Variants in FAM227A observed in about 807,000 individuals in gnomAD.
The protein encoded by FAM227A is family with sequence similarity 227 member A, also known as protein FAM227A.
In FAM227A, 80 loss-of-function variants were observed where a neutral mutation model predicts 74.7. The observed-to-expected ratio is 1.07, with a 90% confidence interval of 0.89 to 1.29. FAM227A has a LOEUF of 1.29. FAM227A is among the 50% of genes most tolerant of loss of function. FAM227A has a pLI of 0.00. For synonymous variants in FAM227A, 237 were observed against 241.8 expected (o/e 0.98, Z 0.19); for missense variants, 654 against 683.4 (o/e 0.96, Z 0.48).
chr22:38,620,436 A>G, intron 10 of FAM227A, 145 bp from the exon 11 acceptor site: 3 of 646,060 alleles, frequency 4.6e-6, no homozygotes, highest in Non-Finnish European at 8.2e-6. Flanking sequence ...CTGCTGGGCA[A>G]GTTACCTAAC....
rs1160482470 is a variant in FAM227A at position 38,636,547 on chromosome 22, G to C, written c.423C>G (p.Phe141Leu). ...GAAGCTTGTTTGGCTTGGAGCTGTT[G>C]AAGTTGGAATACTGGTACAGCTCTG... Reference protein sequence around the residue: ...LLAELYQYSNFNSSKPNKLPN... With the variant: ...LLAELYQYSNLNSSKPNKLPN... Residue 141 changes from phenylalanine to leucine, a missense_variant, in exon 6 of 17, where the codon TTC becomes TTG. Coordinates refer to ENST00000535113, the MANE Select transcript of FAM227A (RefSeq NM_001013647.2). 6.4e-7 allele frequency: 1 copy of C among 1,551,560 alleles called. No individual in the cohort carries two copies. Among genetic ancestry groups the C allele is most frequent in the African/African-American group, 1.4e-5 (1 of 73,038 alleles).
At position 38,580,250 on chromosome 22, in the gene FAM227A, CT is replaced by C. The variant is rs2090695583; in HGVS notation, c.*5874del. 1 of 152,076 alleles carries C rather than the reference CT, an allele frequency of 6.6e-6. No homozygotes were observed. The highest frequency in any genetic ancestry group is 1.5e-5 in the Non-Finnish European group (1 of 68,020). The allele number at this position is 152,076 out of a possible 1,614,324, so 9.4% of individuals were successfully genotyped here. A position where few individuals can be genotyped will look rare whatever the true frequency, so the allele number is the denominator to read the frequency against. On this transcript the variant is annotated 3_prime_UTR_variant, in exon 17 of 17. Coordinates refer to ENST00000535113, the MANE Select transcript of FAM227A (RefSeq NM_001013647.2). ...TGTCCTCTTTTAAGTCTCTTTTAAT[CT>C]ATATATTCCCCCTCTCTTTTTCCCT...
Position 38,579,540 on chromosome 22 carries a change from G to A in FAM227A, c.*6585C>T, listed in dbSNP as rs1199590640. On this transcript the variant is annotated 3_prime_UTR_variant, in exon 17 of 17. Transcript: ENST00000535113. ...TAAAATATGCTTAGAAGTGTCCATG[G>A]TAGATGCCTTTAATTTTAAAAATTA... 3.3e-5 allele frequency: 5 copies of A among 152,250 alleles called. No homozygotes were observed. In the East Asian group the frequency reaches 9.6e-4, roughly 29 times the overall value. The allele number at this position is 152,250 out of a possible 1,614,324, so 9.4% of individuals were successfully genotyped here.
intron 11 of FAM227A, among the ~76,000 whole-genome samples, chr22:38,607,785 T>A (rs1306907965): frequency 6.6e-6 from 1 of 152,160 alleles, no homozygotes; most frequent in Non-Finnish European, 1.5e-5. Flanking sequence ...TTGGTTTCCT[T>A]GTAGGATTAA....
rs573456473 is a variant in FAM227A, at chr22:38,645,510, C to T, written c.225+53G>A. The T allele has an allele frequency of 4.3e-5, 54 of 1,242,696 alleles. No homozygotes were observed. In the East Asian group the frequency reaches 4.6e-4, roughly 11 times the overall value. The allele number at this position is 1,242,696 out of a possible 1,614,324, so 77.0% of individuals were successfully genotyped here. The stretch of plus-strand genomic sequence containing the variant: ...GGCACTGCAACACCTTGATGATCCC[C>T]GGGGCCCTTCCCTGTCAGAAGCTTT... On this transcript the variant is annotated intron_variant, in intron 3 of 16. Coordinates refer to ENST00000535113, the MANE Select transcript of FAM227A (RefSeq NM_001013647.2).
At chr22:38,626,986 A>G (rs1318758067) in intron 8 of FAM227A, among the ~76,000 whole-genome samples, 1 of 145,356 alleles carries the variant, frequency 6.9e-6, no homozygotes, top group African/African-American at 2.6e-5. Flanking sequence ...AGTCCTAGCT[A>G]CTCAGGAGGC....
chr22:38,613,116 T>TAATTATATATA (rs1555959758), intron 11 of FAM227A, among the ~76,000 whole-genome samples: 5 of 91,130 alleles, frequency 5.5e-5, no homozygotes, highest in African/African-American at 2.4e-4. Flanking sequence ...TATATATATA[T>TAATTATATATA]TATATATAAT....
intron 13 of FAM227A, among the ~76,000 whole-genome samples, chr22:38,602,999 G>A (rs1049895220): frequency 1.3e-5 from 2 of 151,974 alleles, no homozygotes; most frequent in Non-Finnish European, 2.9e-5. Flanking sequence ...TCAGCCTCCC[G>A]AGTAGCTGGG....
At chr22:38,653,249 G>C (rs1435416859) in intron 1 of FAM227A, among the ~76,000 whole-genome samples, 2 of 152,140 alleles carry the variant, frequency 1.3e-5, no homozygotes. Context: ...CTCCCAGATA[G>C]ACTGTCTAGT....
intron 2 of FAM227A, among the ~76,000 whole-genome samples, chr22:38,646,930 C>A (rs759259230): frequency 2.0e-5 from 3 of 151,714 alleles, no homozygotes; most frequent in African/African-American, 7.3e-5. Context: ...GCGGGCAGAT[C>A]ACGATGTTAG....
intron 15 of FAM227A, among the ~76,000 whole-genome samples, chr22:38,595,967 A>G (rs2091034050): frequency 4.1e-5 from 1 of 24,656 alleles, no homozygotes; most frequent in African/African-American, 1.5e-4. Flanking sequence ...AAAACAACTA[A>G]TAAGGGGGGG....
chr22:38,602,847 T>C (rs1322369943), intron 13 of FAM227A, among the ~76,000 whole-genome samples: 1 of 152,092 alleles, frequency 6.6e-6, no homozygotes, highest in African/African-American at 2.4e-5. Context: ...CTCTACTGCA[T>C]TTGGGCTTGA....
intron 6 of FAM227A, among the ~76,000 whole-genome samples, chr22:38,630,348 G>T (rs534943629): frequency 6.6e-6 from 1 of 152,316 alleles, no homozygotes; most frequent in East Asian, 1.9e-4. Context: ...ACTTTTCCTC[G>T]TGTTTCTTCA....
At chr22:38,628,142 C>A in intron 8 of FAM227A, 96 bp downstream of exon 8, 1 of 747,284 alleles carries the variant, frequency 1.3e-6, no homozygotes, top group Admixed American at 2.5e-5. Flanking sequence ...TTACTAATTA[C>A]TCCCTTATGT....
intron 12 of FAM227A, among the ~76,000 whole-genome samples, chr22:38,607,050 G>A (rs1204667628): frequency 3.3e-5 from 5 of 151,922 alleles, no homozygotes; most frequent in African/African-American, 4.8e-5. Context: ...GGTAGCGCAC[G>A]CCTGTAGTCC....
chr22:38,592,273 T>C (rs1279176210), intron 15 of FAM227A, among the ~76,000 whole-genome samples: 2 of 152,146 alleles, frequency 1.3e-5, no homozygotes, highest in Non-Finnish European at 2.9e-5. Flanking sequence ...CAAAAAGTGA[T>C]GTATTTAGCA....
At chr22:38,646,244 A>ATTTTTTT (rs1569240881) in intron 2 of FAM227A, among the ~76,000 whole-genome samples, 1 of 89,692 alleles carries the variant, frequency 1.1e-5, no homozygotes, top group Non-Finnish European at 2.2e-5. Flanking sequence ...TCCTTCCAGT[A>ATTTTTTT]TTTCTTTTTT....
At chr22:38,628,378 G>T in intron 7 of FAM227A, 36 bp from the exon 8 acceptor site, 2 of 1,346,196 alleles carry the variant, frequency 1.5e-6, no homozygotes, top group Non-Finnish European at 2.1e-6. Context: ...AATTACTAAA[G>T]TCCCTTGCTG....
In FAM227A at chr22:38,638,745, C is replaced by A. The variant is rs186726668; in HGVS notation, c.372+1G>T. 12 of 1,546,796 alleles carry A rather than the reference C, an allele frequency of 7.8e-6. No individual in the cohort carries two copies. The East Asian group carries it at 2.4e-4, about 32-fold the overall frequency. On this transcript the variant is annotated splice_donor_variant, in intron 5 of 16. Coordinates refer to ENST00000535113, the MANE Select transcript of FAM227A (RefSeq NM_001013647.2). LOFTEE classifies it high-confidence loss of function. Reference sequence around the variant, plus strand: ...AACAGACACAGCAGTAGATCCCTTACCCTTTTTATAACAGAAGATCTGGCA... The same window carrying A: ...AACAGACACAGCAGTAGATCCCTTAACCTTTTTATAACAGAAGATCTGGCA...
Sources: gnomAD v4.1 joint callset for allele counts (sites outside exome capture counted in the v4.1 genomes callset) on GRCh38, gnomAD v4.1.1 for gene constraint, MANE v1.5 for transcripts, NCBI Gene and HGNC (gene_info 2026-07-23, HGNC 2026-07-21) for gene names.